The following FBXO25 variants were observed in gnomAD, a reference collection of about 807,000 sequenced individuals.
FBXO25 encodes the protein F-box only protein 25.
FBXO25 carries 45 observed loss-of-function variants against 51.9 expected under a neutral mutation model. The observed-to-expected ratio is 0.87, with a 90% CI of 0.68 to 1.11. The LOEUF is 1.11. Ranked by LOEUF, FBXO25 falls within the 50% of genes most tolerant of loss-of-function variation. The probability of loss-of-function intolerance (pLI) is 0.00; values close to 1 mark genes in which losing one functional copy is unlikely to be tolerated. For missense variants in FBXO25, 507 were observed against 428.5 expected, an observed-to-expected ratio of 1.18 and a Z score of -1.62; for synonymous variants, 199 against 151.0, an observed-to-expected ratio of 1.32 and a Z score of -2.33.
intron 8 of FBXO25, among the ~76,000 whole-genome samples, chr8:460,211 T>C (rs1441072336): frequency 1.3e-5 from 2 of 152,098 alleles, no homozygotes; most frequent in African/African-American, 2.4e-5. Context: ...TGTTTATACA[T>C]CTAGACCCTA....
At chr8:432,960 G>C (rs779060148) in intron 4 of FBXO25, 25 bp downstream of exon 4, 7 of 1,528,564 alleles carry the variant, frequency 4.6e-6, no homozygotes, top group African/African-American at 4.3e-5. Flanking sequence ...ATAAATATGA[G>C]AGTATCTTGT....
At chr8:458,057 C>T (rs1394175052) in intron 7 of FBXO25, among the ~76,000 whole-genome samples, 6 of 152,210 alleles carry the variant, frequency 3.9e-5, no homozygotes, top group African/African-American at 1.2e-4. Context: ...TCTCCAGGTG[C>T]GTCTTGATGC....
Position 451,453 on chromosome 8 carries a change from G to C in FBXO25, c.660G>C (p.Lys220Asn). 6.2e-7 allele frequency: 1 copy of C among 1,612,214 alleles called. No individual in the cohort carries two copies. Among genetic ancestry groups the C allele is most frequent in the South Asian group, 1.1e-5 (1 of 90,734 alleles). The change falls in exon 7 of 10, where the codon AAG (lysine) becomes AAC (asparagine). Residue 220 changes from lysine (K) to asparagine (N), a missense_variant and splice_region_variant. Physicochemically the swap from Lys to Asn is moderately conservative, Grantham distance 94. Coordinates refer to ENST00000350302, the MANE Select transcript of FBXO25 (RefSeq NM_183420.2). ...QQQLQDLQMTKQVNNGLTLSD... is the reference protein window; with the variant it reads ...QQQLQDLQMTNQVNNGLTLSD... Reference sequence around the variant, plus strand: ...AGCTACAGGATCTTCAGATGACTAAGGTATAAATATCTCGGCATAAGAGTT... The same window carrying C: ...AGCTACAGGATCTTCAGATGACTAACGTATAAATATCTCGGCATAAGAGTT...
chr8:441,441 C>T (rs904414166), intron 5 of FBXO25, among the ~76,000 whole-genome samples: 11 of 152,180 alleles, frequency 7.2e-5, no homozygotes, highest in African/African-American at 2.2e-4. Flanking sequence ...CAGTACCATT[C>T]AGGACATAGG....
At chr8:415,684 G>A (rs560892698) in intron 2 of FBXO25, among the ~76,000 whole-genome samples, 1 of 152,188 alleles carries the variant, frequency 6.6e-6, no homozygotes, top group Non-Finnish European at 1.5e-5. Context: ...GGGTGGCCCT[G>A]AGAAGGACTC....
At position 477,621 on chromosome 8, in the gene FBXO25, C is replaced by G. The variant is rs1297492138; in HGVS notation, c.*8817C>G. On this transcript the variant is annotated 3_prime_UTR_variant, in exon 10 of 10. Coordinates refer to ENST00000350302, the MANE Select transcript of FBXO25 (RefSeq NM_183420.2). ...GATAGGTACACACAGGGGAGTGAAGCAGGGCTTGGAGCAGATGGTAAAGAT... is the reference window on the plus strand; with the variant it reads ...GATAGGTACACACAGGGGAGTGAAGGAGGGCTTGGAGCAGATGGTAAAGAT... 6.6e-6 allele frequency: 1 copy of G among 152,208 alleles called. No individual in the cohort carries two copies. Among genetic ancestry groups the G allele is most frequent in the Admixed American group, 6.5e-5 (1 of 15,286 alleles). 9.4% of individuals were successfully genotyped at this position (152,208 alleles called of 1,614,324 possible).
At chr8:464,930 A>G (rs1485271145) in intron 9 of FBXO25, among the ~76,000 whole-genome samples, 1 of 152,220 alleles carries the variant, frequency 6.6e-6, no homozygotes, top group Admixed American at 6.5e-5. Context: ...ATTATCCCTC[A>G]AGAGCAGGGA....
At chr8:418,434 G>C (rs912861361) in intron 2 of FBXO25, among the ~76,000 whole-genome samples, 60 of 147,400 alleles carry the variant, frequency 4.1e-4, no homozygotes, top group African/African-American at 1.5e-3. Context: ...GTGCCTCCTG[G>C]GTTCAAGCAA....
At chr8:412,939 C>T (rs17665335) in intron 1 of FBXO25, 134 bp from the exon 2 acceptor site, 10,716 of 866,760 alleles carry the variant, frequency 0.012, 88 homozygotes, top group Non-Finnish European at 0.014. Context: ...TCACCAATGT[C>T]GAGCCAACGT....
chr8:468,936 C>G lies in FBXO25; in HGVS notation c.*132C>G. The G allele has an allele frequency of 2.5e-6, 2 of 785,760 alleles. No individual in the cohort carries two copies. Among genetic ancestry groups the G allele is most frequent in the South Asian group, 1.9e-5 (1 of 53,534 alleles). The allele number at this position is 785,760 out of a possible 1,614,324, so 48.7% of individuals were successfully genotyped here. ...TCCAGAAAGCCTGGGAAGAACTGCC[C>G]TTCTGCAAAGGGGGGACTGCATGGT... is the stretch of plus-strand genomic sequence containing the variant. On this transcript the variant is annotated 3_prime_UTR_variant, in exon 10 of 10. Transcript: ENST00000350302.
intron 5 of FBXO25, among the ~76,000 whole-genome samples, chr8:440,701 T>C (rs1226574887): frequency 1.3e-5 from 2 of 152,160 alleles, no homozygotes; most frequent in Non-Finnish European, 2.9e-5. Context: ...ACCCGTCATC[T>C]ACATTAGGTA....
At chr8:463,853 A>G (rs1195611323) in intron 9 of FBXO25, among the ~76,000 whole-genome samples, 1 of 152,010 alleles carries the variant, frequency 6.6e-6, no homozygotes, top group East Asian at 1.9e-4. Context: ...TCGCTCTGTC[A>G]CCCAGGCTGG....
chr8:446,208 C>T (rs1440247481), intron 5 of FBXO25, among the ~76,000 whole-genome samples: 18 of 152,242 alleles, frequency 1.2e-4, no homozygotes, highest in African/African-American at 4.1e-4. Flanking sequence ...TCGGGCTCCC[C>T]TAACAGGCCC....
chr8:451,432 A>G lies in FBXO25; in HGVS notation c.639A>G (p.Leu213=), dbSNP rs757215791. The G allele has an allele frequency of 6.2e-6, 10 of 1,613,758 alleles. No homozygotes were observed. The South Asian group carries it at 6.6e-5, about 11-fold the overall frequency. ...CTATTCTCGCCTGGCAACAACAGCT[A>G]CAGGATCTTCAGATGACTAAGGTAT... ...LETILAWQQQ[L]QDLQMTKQVN... is the part of the protein sequence containing the mutation. The change falls in exon 7 of 10, where the codon CTA becomes CTG. Residue 213 remains leucine, a synonymous_variant. Transcript: ENST00000350302.
rs1029808704 is a variant in FBXO25 at position 469,044 on chromosome 8, A to G, written c.*240A>G. The G allele has an allele frequency of 2.1e-6, 1 of 475,556 alleles. No homozygotes were observed. Among genetic ancestry groups the G allele is most frequent in the Admixed American group, 3.9e-5 (1 of 25,768 alleles). The allele number at this position is 475,556 out of a possible 1,614,324, so 29.5% of individuals were successfully genotyped here. On this transcript the variant is annotated 3_prime_UTR_variant, in exon 10 of 10. Coordinates refer to ENST00000350302, the MANE Select transcript of FBXO25 (RefSeq NM_183420.2). The stretch of plus-strand genomic sequence containing the variant: ...CTCCTTCTAAGCATATTAAAATGTG[A>G]AATTTTGCGTACTCTCTCTCTCTAT...
chr8:471,994 G>C lies in FBXO25; in HGVS notation c.*3190G>C, dbSNP rs1447341431. The C allele has an allele frequency of 6.6e-6, 1 of 152,198 alleles. No individual in the cohort carries two copies. The highest frequency in any genetic ancestry group is 1.5e-5 in the Non-Finnish European group (1 of 68,036). The allele number at this position is 152,198 out of a possible 1,614,324, so 9.4% of individuals were successfully genotyped here. ...AACACCTTTGTAGATTCCTGATGCT[G>C]TGTACAAAATCATGTCATCTATGAA... is the stretch of plus-strand genomic sequence containing the variant. On this transcript the variant is annotated 3_prime_UTR_variant, in exon 10 of 10. Transcript: ENST00000350302.
chr8:458,827 G>A (rs1232920933), intron 8 of FBXO25, among the ~76,000 whole-genome samples: 3 of 152,292 alleles, frequency 2.0e-5, no homozygotes, highest in African/African-American at 7.2e-5. Context: ...TGATAACGAG[G>A]TGCATAGAGT....
At chr8:451,146 T>C in intron 6 of FBXO25, 123 bp from the exon 7 acceptor site, 1 of 727,988 alleles carries the variant, frequency 1.4e-6, no homozygotes, top group South Asian at 2.0e-5. Context: ...TTCTATTGCA[T>C]GTATAGATCA....
intron 5 of FBXO25, among the ~76,000 whole-genome samples, chr8:448,736 C>G (rs1392684334): frequency 6.6e-6 from 1 of 152,102 alleles, no homozygotes; most frequent in African/African-American, 2.4e-5. Flanking sequence ...CCTGTAATCA[C>G]AGGGAGGCAC....
Sources: allele counts gnomAD v4.1 joint callset (sites outside exome capture counted in the v4.1 genomes callset), GRCh38; gene constraint gnomAD v4.1.1; transcripts MANE v1.5; gene names NCBI Gene and HGNC (gene_info 2026-07-23, HGNC 2026-07-21).